Variants in FLT1 observed in about 807,000 individuals in gnomAD.
FLT1 encodes fms related receptor tyrosine kinase 1, also known as vascular endothelial growth factor receptor 1.
Under a neutral mutation model 156.3 loss-of-function variants are expected in FLT1, and 49 were observed. That is an observed-to-expected ratio of 0.31 (90% CI 0.25 to 0.40). FLT1 has a LOEUF of 0.40. FLT1 is among the 10% of genes least tolerant of loss of function. The pLI, the probability that FLT1 is intolerant of heterozygous loss-of-function variation, is 1.00. For synonymous variants in FLT1, 594 were observed against 583.8 expected (o/e 1.02, Z -0.25); for missense variants, 1,322 against 1,637.2 (o/e 0.81, Z 3.32).
intron 10 of FLT1, among the ~76,000 whole-genome samples, chr13:28,408,298 T>G (rs1479532671): frequency 6.6e-6 from 1 of 151,858 alleles, no homozygotes; most frequent in Non-Finnish European, 1.5e-5. Context: ...ACCCCACACC[T>G]CCCCCATCCC....
chr13:28,481,687 C>A (rs141670503), intron 1 of FLT1, among the ~76,000 whole-genome samples: 11 of 152,346 alleles, frequency 7.2e-5, no homozygotes, highest in Middle Eastern at 6.8e-3. Context: ...CAGCTCTAAG[C>A]TGGCCTCTTA....
intron 3 of FLT1, among the ~76,000 whole-genome samples, chr13:28,440,239 A>T (rs1462376162): frequency 6.6e-6 from 1 of 152,134 alleles, no homozygotes; most frequent in Non-Finnish European, 1.5e-5. Flanking sequence ...GAGGAAATGG[A>T]TTGTATTCAT....
At position 28,322,727 on chromosome 13, in the gene FLT1, A is replaced by C; in HGVS notation, c.2953+63T>G. On this transcript the variant is annotated intron_variant, in intron 21 of 29. Coordinates refer to ENST00000282397, the MANE Select transcript of FLT1 (RefSeq NM_002019.4). The surrounding 1 kb of genome is among the most constrained non-coding windows in gnomAD (Gnocchi z 4.3). Reference sequence around the variant, plus strand: ...GAGTGATAAATAAGAAAAAAATTTCAGAGATGCATAGTATGTTGTAAAAAT... The same window carrying C: ...GAGTGATAAATAAGAAAAAAATTTCCGAGATGCATAGTATGTTGTAAAAAT... 15 of 1,502,172 alleles carry C rather than the reference A, an allele frequency of 1.0e-5. No homozygotes were observed. The highest frequency in any genetic ancestry group is 1.4e-5 in the Non-Finnish European group (15 of 1,081,308). The allele number at this position is 1,502,172 out of a possible 1,614,324, so 93.1% of individuals were successfully genotyped here. A position where few individuals can be genotyped will look rare whatever the true frequency, so the allele number is the denominator to read the frequency against.
At chr13:28,415,703 T>C (rs144525730) in intron 10 of FLT1, among the ~76,000 whole-genome samples, 349 of 152,308 alleles carry the variant, frequency 2.3e-3, no homozygotes, top group African/African-American at 7.0e-3. Context: ...CAAAAGCCCA[T>C]ATACTACTAT....
At chr13:28,339,889 T>C (rs1487524660) in intron 16 of FLT1, among the ~76,000 whole-genome samples, 1 of 152,178 alleles carries the variant, frequency 6.6e-6, no homozygotes, top group Non-Finnish European at 1.5e-5. Context: ...AGCTGAATCC[T>C]GAGTGAGACT....
intron 11 of FLT1, 147 bp downstream of exon 11, chr13:28,405,633 T>G: frequency 1.5e-6 from 1 of 675,948 alleles, no homozygotes; most frequent in Non-Finnish European, 2.7e-6. Flanking sequence ...TGTATCTCCA[T>G]GAAGACATAG....
chr13:28,446,431 A>G (rs1213334812), intron 3 of FLT1, among the ~76,000 whole-genome samples: 1 of 152,220 alleles, frequency 6.6e-6, no homozygotes, highest in Non-Finnish European at 1.5e-5. Flanking sequence ...CTAAAAAACT[A>G]CTAGAATTAA....
chr13:28,300,530 CACA>C lies in FLT1; in HGVS notation c.*2634_*2636del, dbSNP rs1194919298. The C allele has an allele frequency of 3.1e-5, 6 of 194,780 alleles. No individual in the cohort carries two copies. Among genetic ancestry groups the C allele is most frequent in the African/African-American group, 1.4e-4 (6 of 42,700 alleles). 12.1% of individuals were successfully genotyped at this position (194,780 alleles called of 1,614,324 possible). ...CAAAACACACATACACCCACACACA[CACA>C]CACACACACACACACACACACACAT... On this transcript the variant is annotated 3_prime_UTR_variant, in exon 30 of 30. Coordinates refer to ENST00000282397, the MANE Select transcript of FLT1 (RefSeq NM_002019.4).
intron 1 of FLT1, 22 bp from the exon 2 acceptor site, chr13:28,467,639 T>C (rs677228): frequency 0.084 from 110,424 of 1,314,864 alleles, 8,151 homozygotes; most frequent in African/African-American, 0.37. Flanking sequence ...ATTTTTAAAA[T>C]GTATTATTTG....
At chr13:28,340,926 A>T (rs969649719) in intron 16 of FLT1, among the ~76,000 whole-genome samples, 1 of 152,186 alleles carries the variant, frequency 6.6e-6, no homozygotes, top group Non-Finnish European at 1.5e-5. Context: ...ACACTCTGTG[A>T]AGAGTATGAA....
At chr13:28,408,168 T>C (rs17538364) in intron 10 of FLT1, among the ~76,000 whole-genome samples, 9,542 of 152,288 alleles carry the variant, frequency 0.063, 583 homozygotes, top group Admixed American at 0.19. Flanking sequence ...AAGATCTTAA[T>C]TTCATACTCT....
chr13:28,341,094 G>A (rs1784191925), intron 16 of FLT1, among the ~76,000 whole-genome samples: 1 of 152,156 alleles, frequency 6.6e-6, no homozygotes, highest in Non-Finnish European at 1.5e-5. Context: ...GACATCTTGG[G>A]CTCATGCAGG....
At chr13:28,412,082 C>T (rs1188989202) in intron 10 of FLT1, among the ~76,000 whole-genome samples, 2 of 152,050 alleles carry the variant, frequency 1.3e-5, no homozygotes, top group Non-Finnish European at 2.9e-5. Context: ...TGTAAAATGT[C>T]TTTTAAAAAA....
intron 10 of FLT1, among the ~76,000 whole-genome samples, chr13:28,416,057 G>A (rs1405501691): frequency 6.6e-6 from 1 of 152,196 alleles, no homozygotes; most frequent in Non-Finnish European, 1.5e-5. Flanking sequence ...AACAAACTTA[G>A]CACTCGCAAT....
intron 3 of FLT1, among the ~76,000 whole-genome samples, chr13:28,448,570 C>T (rs1324724729): frequency 6.6e-6 from 1 of 152,030 alleles, no homozygotes; most frequent in Admixed American, 6.5e-5. Context: ...TCTATGGGAA[C>T]AGAAAGTAGA....
intron 10 of FLT1, among the ~76,000 whole-genome samples, chr13:28,420,874 T>G (rs569128517): frequency 6.6e-6 from 1 of 152,270 alleles, no homozygotes; most frequent in South Asian, 2.1e-4. Context: ...AGGCCCTCCT[T>G]TCTTTGCCAA....
chr13:28,422,913 T>C (rs1463180509), intron 10 of FLT1, among the ~76,000 whole-genome samples: 1 of 152,106 alleles, frequency 6.6e-6, no homozygotes, highest in Non-Finnish European at 1.5e-5. Flanking sequence ...ACAGAGAAGG[T>C]CCCCTTCCCT....
Position 28,319,522 on chromosome 13 carries a change from G to C in FLT1, c.3187C>G (p.Leu1063Val), listed in dbSNP as rs2138826854. ...YVRKGDTRLP[L>V]KWMAPESIFD... ...ATAGATTCAGGAGCCATCCATTTCA[G>C]AGGAAGTCGAGTCTAGAAGAGGGCA... The change falls in exon 24 of 30, where the codon CTG becomes GTG. Residue 1063 changes from leucine to valine, a missense_variant. Coordinates refer to ENST00000282397, the MANE Select transcript of FLT1 (RefSeq NM_002019.4). 2 of 1,612,134 alleles carry C rather than the reference G, an allele frequency of 1.2e-6. No individual in the cohort carries two copies. The highest frequency in any genetic ancestry group is 1.7e-6 in the Non-Finnish European group (2 of 1,178,340).
intron 13 of FLT1, chr13:28,386,264 A>C: frequency 9.5e-7 from 1 of 1,049,476 alleles, no homozygotes; most frequent in Non-Finnish European, 1.2e-6. Context: ...CTGCAGGGCA[A>C]CTCTCAGGAT....
Sources: gnomAD v4.1 joint callset for allele counts (sites outside exome capture counted in the v4.1 genomes callset) on GRCh38, gnomAD v4.1.1 for gene constraint, Gnocchi (gnomAD v3.1) non-coding constraint, MANE v1.5 for transcripts, NCBI Gene and HGNC (gene_info 2026-07-23, HGNC 2026-07-21) for gene names.